The following RAD54L2 variants were observed in gnomAD, a reference collection of about 807,000 sequenced individuals.
RAD54L2 encodes the protein helicase ARIP4.
RAD54L2 carries 27 observed loss-of-function variants against 138.4 expected under a neutral mutation model. The ratio of observed to expected loss-of-function variants is 0.20; its 90% CI spans 0.14 to 0.27. RAD54L2 has a LOEUF of 0.27. RAD54L2 is among the 10% of genes least tolerant of loss of function. The pLI is 1.00. For missense variants in RAD54L2, 1,396 were observed against 1,890.2 expected (o/e 0.74, Z 4.85); for synonymous variants, 644 against 723.2 (o/e 0.89, Z 1.76).
intron 4 of RAD54L2, 133 bp from the exon 5 acceptor site, chr3:51,629,201 G>T: frequency 1.1e-6 from 1 of 936,136 alleles, no homozygotes. Flanking sequence ...CATGGGTATG[G>T]TGGGGCTGAT....
chr3:51,646,539 T>C, intron 19 of RAD54L2, 58 bp downstream of exon 19: 1 of 1,430,250 alleles, frequency 7.0e-7, no homozygotes, highest in East Asian at 2.4e-5. Flanking sequence ...CCTTTCAACT[T>C]GTTCATATTT....
chr3:51,605,121 G>C (rs1412675335), intron 3 of RAD54L2, among the ~76,000 whole-genome samples: 1 of 127,346 alleles, frequency 7.9e-6, no homozygotes, highest in East Asian at 2.4e-4. Flanking sequence ...ACTGAGTCTT[G>C]ATCTGTCGCC....
intron 2 of RAD54L2, among the ~76,000 whole-genome samples, chr3:51,564,424 C>G (rs1283728681): frequency 6.6e-6 from 1 of 152,216 alleles, no homozygotes; most frequent in Non-Finnish European, 1.5e-5. Context: ...AGTCCTGTAA[C>G]TGAAGATAGG....
intron 2 of RAD54L2, among the ~76,000 whole-genome samples, chr3:51,562,264 T>C (rs2106640600): frequency 7.1e-6 from 1 of 141,530 alleles, no homozygotes; most frequent in Admixed American, 7.0e-5. Context: ...GGAGTCTTGC[T>C]CTTGTTGCCC....
chr3:51,616,414 C>T (rs1280016793), intron 3 of RAD54L2, among the ~76,000 whole-genome samples: 13 of 151,962 alleles, frequency 8.6e-5, no homozygotes, highest in African/African-American at 1.7e-4. Flanking sequence ...TTAGCAATAT[C>T]GTAAGTTTTT....
chr3:51,629,305 C>G, intron 4 of RAD54L2, 29 bp from the exon 5 acceptor site: 1 of 1,566,198 alleles, frequency 6.4e-7, no homozygotes, highest in East Asian at 2.3e-5. Flanking sequence ...TAATTGAACC[C>G]AAGTGCTGTC....
intron 22 of RAD54L2, among the ~76,000 whole-genome samples, chr3:51,661,407 A>G (rs1490176253): frequency 6.6e-6 from 1 of 152,244 alleles, no homozygotes; most frequent in African/African-American, 2.4e-5. Context: ...CTGTAACACA[A>G]TGTATTAATT....
chr3:51,629,061 A>G (rs1490103265), intron 4 of RAD54L2, among the ~76,000 whole-genome samples: 1 of 152,152 alleles, frequency 6.6e-6, no homozygotes, highest in Non-Finnish European at 1.5e-5. Flanking sequence ...TGAATCAAAT[A>G]TTACTCTAGT....
At chr3:51,580,901 G>A (rs772266686) in intron 2 of RAD54L2, among the ~76,000 whole-genome samples, 4 of 152,052 alleles carry the variant, frequency 2.6e-5, no homozygotes, top group African/African-American at 9.7e-5. Flanking sequence ...ATATTAGTAC[G>A]TTATATTATT....
chr3:51,562,588 C>T (rs931799022), intron 2 of RAD54L2, among the ~76,000 whole-genome samples: 4 of 152,186 alleles, frequency 2.6e-5, no homozygotes, highest in Non-Finnish European at 5.9e-5. Flanking sequence ...TGGTCTTGAA[C>T]TCCTGACCTC....
chr3:51,635,379 C>G (rs1700960005), intron 9 of RAD54L2, among the ~76,000 whole-genome samples: 1 of 152,156 alleles, frequency 6.6e-6, no homozygotes, highest in Non-Finnish European at 1.5e-5. Flanking sequence ...TCCAGTTCAT[C>G]CTGAGTGCAA....
chr3:51,567,222 A>G (rs1699237438), intron 2 of RAD54L2, among the ~76,000 whole-genome samples: 1 of 152,120 alleles, frequency 6.6e-6, no homozygotes, highest in Non-Finnish European at 1.5e-5. Flanking sequence ...GTTTATATTA[A>G]CTTTTTATAA....
intron 22 of RAD54L2, among the ~76,000 whole-genome samples, chr3:51,660,625 T>TG (rs963357865): frequency 7.5e-6 from 1 of 133,064 alleles, no homozygotes; most frequent in Admixed American, 7.7e-5. Context: ...TGTTTTGTTT[T>TG]TTTTGTTTTT....
In RAD54L2 at chr3:51,650,563, G is replaced by A. The variant is rs188559578; in HGVS notation, c.3026+4082G>A. 3.7e-3 allele frequency among the ~76,000 whole-genome samples: 565 copies of A among 152,266 alleles called. 2 individuals are homozygous for A. Among genetic ancestry groups the A allele is most frequent in the African/African-American group, 0.013 (530 of 41,560 alleles). The stretch of plus-strand genomic sequence containing the variant: ...AAAGCACTCCTCAGCAAATGTAAAA[G>A]AACAGAAATCAAAACAAACTGTCTC... On this transcript the variant is annotated intron_variant, in intron 19 of 22. Transcript: ENST00000684192.
intron 2 of RAD54L2, among the ~76,000 whole-genome samples, chr3:51,590,085 G>A (rs1002178324): frequency 3.9e-4 from 60 of 152,082 alleles, no homozygotes; most frequent in Non-Finnish European, 2.2e-4. Context: ...CTGCCTCCCC[G>A]GTTCAAGCAA....
chr3:51,650,698 A>G (rs1701407744), intron 19 of RAD54L2, among the ~76,000 whole-genome samples: 1 of 152,262 alleles, frequency 6.6e-6, no homozygotes, highest in African/African-American at 2.4e-5. Flanking sequence ...TGGGTAAGTA[A>G]TGAAATGAAG....
In RAD54L2 at chr3:51,639,651, A is replaced by G. The variant is rs760340967; in HGVS notation, c.2093A>G (p.Asn698Ser). The change falls in exon 13 of 23, where the codon AAC becomes AGC. Residue 698 changes from asparagine (N) to serine (S), a missense_variant. By Grantham distance (46) the Asn-to-Ser change is conservative. Around this residue, in one of 7 missense-constraint regions of RAD54L2, gnomAD observed 211 missense variants for 273.8 expected, o/e 0.77. Transcript: ENST00000684192. ...AACCCTTTCCAGGAGCGAGGCAACAACATTGTCACATATGAATGGGTGAGT... is the reference window on the plus strand; with the variant it reads ...AACCCTTTCCAGGAGCGAGGCAACAGCATTGTCACATATGAATGGGTGAGT... Reference protein sequence around the residue: ...GFNPFQERGNNIVTYEWAKDL... With the variant: ...GFNPFQERGNSIVTYEWAKDL... 1.8e-5 allele frequency: 29 copies of G among 1,613,674 alleles called. 1 individual carries two copies. The Middle Eastern group carries it at 1.2e-3, about 64-fold the overall frequency.
At position 51,645,387 on chromosome 3, in the gene RAD54L2, A is replaced by G. The variant is rs1478196508; in HGVS notation, c.2656+158A>G. 1.3e-5 allele frequency among the ~76,000 whole-genome samples: 2 copies of G among 152,188 alleles called. No homozygotes were observed. Among genetic ancestry groups the G allele is most frequent in the Non-Finnish European group, 1.5e-5 (1 of 68,044 alleles). On this transcript the variant is annotated intron_variant, in intron 17 of 22. Coordinates refer to ENST00000684192, the MANE Select transcript of RAD54L2 (RefSeq NM_015106.4). The surrounding 1 kb of genome is among the most constrained non-coding windows in gnomAD (Gnocchi z 6.1). Reference sequence around the variant, plus strand: ...TTCTGATTCAAATTGCTTAAAAGGTAATTGACCTCAACTTGTTGAAGGTGA... The same window carrying G: ...TTCTGATTCAAATTGCTTAAAAGGTGATTGACCTCAACTTGTTGAAGGTGA...
Position 51,663,143 on chromosome 3 carries a change from C to A in RAD54L2, c.4127C>A (p.Pro1376Gln), listed in dbSNP as rs769759426. The change falls in exon 23 of 23, where the codon CCA becomes CAA. Residue 1376 changes from proline (P) to glutamine (Q), a missense_variant. Transcript: ENST00000684192. ...TCCTTCATGCTCAACCCTTCTGTGC[C>A]AGGGATACTACCCAGCTATTCACTC... ...NPSFMLNPSVPGILPSYSLPF... is the reference protein window; with the variant it reads ...NPSFMLNPSVQGILPSYSLPF... 1 of 1,613,986 alleles carries A rather than the reference C, an allele frequency of 6.2e-7. No individual in the cohort carries two copies. Among genetic ancestry groups the A allele is most frequent in the Non-Finnish European group, 8.5e-7 (1 of 1,179,894 alleles).
Sources: allele counts gnomAD v4.1 joint callset (sites outside exome capture counted in the v4.1 genomes callset), GRCh38; gene constraint gnomAD v4.1.1; regional missense constraint gnomAD v4.1.1; non-coding constraint Gnocchi (gnomAD v3.1); transcripts MANE v1.5; gene names NCBI Gene and HGNC (gene_info 2026-07-23, HGNC 2026-07-21).